The following SAMD7 variants were observed in gnomAD, a reference collection of about 807,000 sequenced individuals.
SAMD7 encodes sterile alpha motif domain containing 7, also known as sterile alpha motif domain-containing protein 7.
In SAMD7, 34 loss-of-function variants were observed where a neutral mutation model predicts 36.7. That is an observed-to-expected ratio of 0.93 (90% CI 0.71 to 1.23). SAMD7 has a LOEUF of 1.23. SAMD7 is among the 50% of genes most tolerant of loss of function. SAMD7 has a pLI of 0.00. For missense variants in SAMD7, 570 were observed against 546.6 expected, an observed-to-expected ratio of 1.04 and a Z score of -0.43; for synonymous variants, 188 against 189.7, an observed-to-expected ratio of 0.99 and a Z score of 0.07.
intron 7 of SAMD7, chr3:169,932,026 TA>T (rs1576837181): frequency 1.4e-6 from 1 of 702,718 alleles, no homozygotes; most frequent in East Asian, 4.5e-5. Flanking sequence ...GTCATGCTGT[TA>T]GCAATTCCTG....
At position 169,913,971 on chromosome 3, in the gene SAMD7, T is replaced by A. The variant is rs1039548341; in HGVS notation, c.-116-1396T>A. ...TATTCTGATTTTATTTGCTTCAAAA[T>A]GTAATTTTGAAGCAAATAGGGCAGT... is the stretch of plus-strand genomic sequence containing the variant. On this transcript the variant is annotated intron_variant, in intron 1 of 8. Transcript: ENST00000335556. Among the ~76,000 whole-genome samples the A allele has an allele frequency of 2.6e-5, 4 of 152,172 alleles. No individual in the cohort carries two copies. In the South Asian group the frequency reaches 6.2e-4, roughly 24 times the overall value.
intron 2 of SAMD7, among the ~76,000 whole-genome samples, chr3:169,917,329 A>G (rs1270770113): frequency 6.6e-6 from 1 of 152,222 alleles, no homozygotes; most frequent in Admixed American, 6.5e-5. Flanking sequence ...AAAGGTCACT[A>G]CTTTGAAAAG....
At chr3:169,937,865 C>A (rs1713779380) in intron 8 of SAMD7, among the ~76,000 whole-genome samples, 1 of 152,098 alleles carries the variant, frequency 6.6e-6, no homozygotes, top group Non-Finnish European at 1.5e-5. Flanking sequence ...CTGCTTCTGC[C>A]CTTGCCCACC....
In SAMD7 at chr3:169,936,380, A is replaced by T. The variant is rs1209061274; in HGVS notation, c.1083A>T (p.Leu361Phe). The T allele has an allele frequency of 6.2e-7, 1 of 1,613,514 alleles. No homozygotes were observed. Among genetic ancestry groups the T allele is most frequent in the South Asian group, 1.1e-5 (1 of 91,038 alleles). Reference protein sequence around the residue: ...DHAIDGETLPLLTEEHLRGTM... With the variant: ...DHAIDGETLPFLTEEHLRGTM... ...CAATTGATGGAGAAACTTTGCCATT[A>T]CTCACAGAAGAGCATCTTCGAGGCA... is the stretch of plus-strand genomic sequence containing the variant. Residue 361 changes from leucine to phenylalanine, a missense_variant, in exon 8 of 9, where the codon TTA (leucine) becomes TTT (phenylalanine). Physicochemically the swap from Leu to Phe is conservative, Grantham distance 22. Coordinates refer to ENST00000335556, the MANE Select transcript of SAMD7 (RefSeq NM_001304366.2).
At chr3:169,919,919 A>T (rs1712976805) in intron 3 of SAMD7, among the ~76,000 whole-genome samples, 2 of 152,362 alleles carry the variant, frequency 1.3e-5, no homozygotes, top group South Asian at 4.1e-4. Context: ...TCACGCCTGT[A>T]ATCCCAGCAC....
chr3:169,912,518 T>C (rs1712643401), intron 1 of SAMD7, among the ~76,000 whole-genome samples: 2 of 152,260 alleles, frequency 1.3e-5, no homozygotes, highest in Admixed American at 6.5e-5. Flanking sequence ...CAAACTGTAG[T>C]TGCACATAAA....
At chr3:169,916,872 G>A (rs1712826571) in intron 2 of SAMD7, among the ~76,000 whole-genome samples, 1 of 152,216 alleles carries the variant, frequency 6.6e-6, no homozygotes, top group Non-Finnish European at 1.5e-5. Flanking sequence ...AGGAGCACCT[G>A]AGATTTCAAG....
At chr3:169,919,850 G>C (rs1259873510) in intron 3 of SAMD7, among the ~76,000 whole-genome samples, 1 of 152,252 alleles carries the variant, frequency 6.6e-6, no homozygotes, top group South Asian at 2.1e-4. Context: ...GCAAACACTG[G>C]AGTAATAGTC....
chr3:169,925,441 T>C (rs1165022975), intron 5 of SAMD7, among the ~76,000 whole-genome samples: 3 of 151,712 alleles, frequency 2.0e-5, no homozygotes. Flanking sequence ...AGATTAGAAA[T>C]CACGGCCGGG....
At chr3:169,937,578 G>A (rs1713765951) in intron 8 of SAMD7, among the ~76,000 whole-genome samples, 2 of 152,158 alleles carry the variant, frequency 1.3e-5, no homozygotes, top group South Asian at 2.1e-4. Flanking sequence ...TCCCTGCAAA[G>A]GACATGATCT....
intron 4 of SAMD7, among the ~76,000 whole-genome samples, chr3:169,921,672 C>T (rs1429647273): frequency 6.6e-6 from 1 of 152,114 alleles, no homozygotes. Context: ...TTTACATGGG[C>T]CCGATGGTCA....
At chr3:169,932,988 C>T (rs570400234) in intron 7 of SAMD7, 5 of 721,972 alleles carry the variant, frequency 6.9e-6, no homozygotes, top group South Asian at 4.2e-5. Flanking sequence ...CTTTCCCCCC[C>T]TCTATCAGTG....
chr3:169,927,244 C>A (rs1713308677), intron 6 of SAMD7, 63 bp downstream of exon 6: 54 of 792,290 alleles, frequency 6.8e-5, no homozygotes, highest in East Asian at 9.6e-5. Flanking sequence ...CCGTAGGTTA[C>A]TACATAATAA....
At chr3:169,914,485 C>T (rs1013851160) in intron 1 of SAMD7, among the ~76,000 whole-genome samples, 2 of 152,184 alleles carry the variant, frequency 1.3e-5, no homozygotes, top group Admixed American at 1.3e-4. Context: ...ATGCCAATGA[C>T]TCATCGTCCT....
intron 7 of SAMD7, among the ~76,000 whole-genome samples, chr3:169,935,176 A>G (rs1713675676): frequency 6.6e-6 from 1 of 152,234 alleles, no homozygotes; most frequent in African/African-American, 2.4e-5. Context: ...CTAGCTGTGA[A>G]GGGAGTGAGA....
intron 5 of SAMD7, among the ~76,000 whole-genome samples, chr3:169,925,588 G>T (rs1453853587): frequency 1.3e-5 from 2 of 152,102 alleles, no homozygotes; most frequent in East Asian, 1.9e-4. Flanking sequence ...CCAGCCAGGG[G>T]TGGTGGCAGG....
At chr3:169,924,928 A>C (rs1275510015) in intron 4 of SAMD7, 130 bp from the exon 5 acceptor site, 1 of 607,532 alleles carries the variant, frequency 1.6e-6, no homozygotes, top group Non-Finnish European at 2.8e-6. Flanking sequence ...CATTTCCAAA[A>C]TTGTGCGCAA....
intron 7 of SAMD7, among the ~76,000 whole-genome samples, chr3:169,934,262 G>A (rs1391179634): frequency 6.6e-6 from 1 of 152,164 alleles, no homozygotes; most frequent in African/African-American, 2.4e-5. Flanking sequence ...ACAAGACAGA[G>A]GGGAAGCCTA....
At chr3:169,913,224 A>T (rs915446630) in intron 1 of SAMD7, among the ~76,000 whole-genome samples, 3 of 152,246 alleles carry the variant, frequency 2.0e-5, no homozygotes, top group African/African-American at 7.2e-5. Flanking sequence ...AATGTATGTA[A>T]TCAGAAAACA....
Sources: gnomAD v4.1 joint callset for allele counts (sites outside exome capture counted in the v4.1 genomes callset) on GRCh38, gnomAD v4.1.1 for gene constraint, MANE v1.5 for transcripts, NCBI Gene and HGNC (gene_info 2026-07-23, HGNC 2026-07-21) for gene names.